KLHL2: variants seen among roughly 807,000 people sequenced by gnomAD.
The protein encoded by KLHL2 is kelch like family member 2.
A neutral mutation model predicts 75.8 loss-of-function variants in KLHL2; 15 were observed. That is an observed-to-expected ratio of 0.20 (90% CI 0.13 to 0.30). The LOEUF is 0.30. Ranked by LOEUF, KLHL2 falls within the 10% of genes least tolerant of loss-of-function variation. The probability of loss-of-function intolerance (pLI) is 1.00; values close to 1 mark genes in which losing one functional copy is unlikely to be tolerated. For missense variants in KLHL2, 381 were observed against 741.0 expected (o/e 0.51, Z 5.64); for synonymous variants, 214 against 251.9 (o/e 0.85, Z 1.42).
chr4:165,291,688 T>G (rs1383005916), intron 5 of KLHL2, among the ~76,000 whole-genome samples: 1 of 152,196 alleles, frequency 6.6e-6, no homozygotes, highest in Non-Finnish European at 1.5e-5. Flanking sequence ...CGACCTACAG[T>G]CATCCCTTGG....
chr4:165,259,490 G>A (rs554354251), intron 4 of KLHL2, among the ~76,000 whole-genome samples: 7 of 152,328 alleles, frequency 4.6e-5, no homozygotes, highest in Admixed American at 2.6e-4. Flanking sequence ...GGTTAGTACC[G>A]CTCTCATAGC....
At chr4:165,287,572 C>CTT (rs143292056) in intron 5 of KLHL2, among the ~76,000 whole-genome samples, 2,324 of 151,788 alleles carry the variant, frequency 0.015, 30 homozygotes, top group Non-Finnish European at 0.023. Context: ...AACCTCCATG[C>CTT]TTTTTTTTAT....
At chr4:165,313,465 T>C (rs1746366101) in intron 12 of KLHL2, 99 bp downstream of exon 12, 4 of 1,087,766 alleles carry the variant, frequency 3.7e-6, no homozygotes, top group African/African-American at 1.7e-5. Context: ...TCTGAAAATA[T>C]ATGATATGCT....
chr4:165,251,729 C>T (rs1431696013), intron 4 of KLHL2, among the ~76,000 whole-genome samples: 1 of 150,182 alleles, frequency 6.7e-6, no homozygotes, highest in African/African-American at 2.4e-5. Flanking sequence ...CCTGCCTCAG[C>T]CTCCCAAGTA....
At chr4:165,246,331 G>A (rs1288026138) in intron 4 of KLHL2, among the ~76,000 whole-genome samples, 1 of 152,092 alleles carries the variant, frequency 6.6e-6, no homozygotes. Flanking sequence ...AAGTGGGTTT[G>A]TAGACTATGA....
chr4:165,264,477 G>A (rs1482100612), intron 5 of KLHL2, among the ~76,000 whole-genome samples: 1 of 150,762 alleles, frequency 6.6e-6, no homozygotes, highest in Non-Finnish European at 1.5e-5. Flanking sequence ...GTAGTATTTG[G>A]TTTTCCATTC....
chr4:165,310,480 C>T lies in KLHL2; in HGVS notation c.1040-73C>T, dbSNP rs947055453. ...GTTCTGACAACAGCTATAGATTTAT[C>T]AGAAAGCAATCTTTGGATATTGGTG... is the stretch of plus-strand genomic sequence containing the variant. On this transcript the variant is annotated intron_variant, in intron 9 of 14. Coordinates refer to ENST00000226725, the MANE Select transcript of KLHL2 (RefSeq NM_007246.4). 2.4e-6 allele frequency: 3 copies of T among 1,268,956 alleles called. No individual in the cohort carries two copies. In the Admixed American group the frequency reaches 5.0e-5, roughly 21 times the overall value. The allele number at this position is 1,268,956 out of a possible 1,614,324, so 78.6% of individuals were successfully genotyped here.
intron 3 of KLHL2, among the ~76,000 whole-genome samples, chr4:165,229,568 G>A (rs1369028423): frequency 6.6e-6 from 1 of 152,112 alleles, no homozygotes; most frequent in Non-Finnish European, 1.5e-5. Flanking sequence ...ATACCAAAAA[G>A]CAAAAATACA....
chr4:165,214,277 T>C (rs948280180), intron 1 of KLHL2, among the ~76,000 whole-genome samples: 12 of 152,142 alleles, frequency 7.9e-5, no homozygotes, highest in Admixed American at 6.5e-4. Context: ...TAAATGGAAA[T>C]GTTTGAAATG....
At chr4:165,214,598 ACCT>A (rs1045756701) in intron 1 of KLHL2, among the ~76,000 whole-genome samples, 1 of 151,936 alleles carries the variant, frequency 6.6e-6, no homozygotes, top group Non-Finnish European at 1.5e-5. Flanking sequence ...AGACATCCCA[ACCT>A]CCTCCTCCTG....
chr4:165,297,884 C>T (rs1397711328), intron 7 of KLHL2, among the ~76,000 whole-genome samples, 159 bp downstream of exon 7: 7 of 152,146 alleles, frequency 4.6e-5, no homozygotes, highest in East Asian at 1.9e-4. Flanking sequence ...AGTGCAGTGG[C>T]GTCATCTCGG....
chr4:165,211,780 G>A (rs971996458), intron 1 of KLHL2, among the ~76,000 whole-genome samples: 5 of 152,182 alleles, frequency 3.3e-5, no homozygotes, highest in Non-Finnish European at 7.3e-5. Context: ...GTGAATTCTG[G>A]AAATAGGTAG....
intron 4 of KLHL2, among the ~76,000 whole-genome samples, chr4:165,259,510 C>G (rs1192022498): frequency 6.6e-6 from 1 of 152,260 alleles, no homozygotes; most frequent in East Asian, 1.9e-4. Context: ...CAGGCTTGGC[C>G]TGTCCCATAC....
intron 4 of KLHL2, among the ~76,000 whole-genome samples, chr4:165,246,259 A>G (rs936813458): frequency 1.3e-5 from 2 of 152,178 alleles, no homozygotes; most frequent in Non-Finnish European, 2.9e-5. Flanking sequence ...ATTTGAGCAG[A>G]GTAAATGATG....
intron 2 of KLHL2, among the ~76,000 whole-genome samples, chr4:165,221,512 C>T (rs1209751012): frequency 1.3e-5 from 2 of 152,046 alleles, no homozygotes; most frequent in African/African-American, 4.8e-5. Context: ...GTGCACGTGG[C>T]GGTGGAATCA....
chr4:165,251,620 T>TTG (rs968306458), intron 4 of KLHL2, among the ~76,000 whole-genome samples: 1 of 149,664 alleles, frequency 6.7e-6, no homozygotes, highest in African/African-American at 2.4e-5. Flanking sequence ...TTTTTGTTTT[T>TTG]TTTTTTTGAG....
chr4:165,219,988 A>G lies in KLHL2; in HGVS notation c.81A>G (p.Glu27=). ...KPLDSKDDNT[E]KHCPVTVNPW... ...TCGATTCAAAAGATGATAATACCGA[A>G]AAACACTGCCCAGTGACAGTGAATC... Residue 27 remains glutamate, a synonymous_variant, in exon 2 of 15, where the codon GAA becomes GAG. Coordinates refer to ENST00000226725, the MANE Select transcript of KLHL2 (RefSeq NM_007246.4). 1.2e-6 allele frequency: 2 copies of G among 1,613,812 alleles called. No individual in the cohort carries two copies. Among genetic ancestry groups the G allele is most frequent in the South Asian group, 1.1e-5 (1 of 91,062 alleles).
intron 1 of KLHL2, among the ~76,000 whole-genome samples, chr4:165,219,184 C>CA (rs1407745303): frequency 4.6e-5 from 7 of 152,280 alleles, no homozygotes; most frequent in African/African-American, 1.7e-4. Context: ...TTTAAATATT[C>CA]ACTGTTCAGT....
chr4:165,249,481 G>A (rs34511000), intron 4 of KLHL2, among the ~76,000 whole-genome samples: 21 of 149,318 alleles, frequency 1.4e-4, no homozygotes, highest in Admixed American at 2.7e-4. Context: ...CTTCAAAGTG[G>A]TAATGGAAAG....
Sources: allele counts gnomAD v4.1 joint callset (sites outside exome capture counted in the v4.1 genomes callset), GRCh38; gene constraint gnomAD v4.1.1; transcripts MANE v1.5; gene names NCBI Gene and HGNC (gene_info 2026-07-23, HGNC 2026-07-21).